FYB1: variants seen among roughly 807,000 people sequenced by gnomAD.
FYB1 encodes FYN binding protein 1.
Under a neutral mutation model 94.1 loss-of-function variants are expected in FYB1, and 41 were observed. The observed-to-expected ratio is 0.44, with a 90% CI of 0.34 to 0.57. The LOEUF is 0.57. FYB1 is among the 20% of genes least tolerant of loss of function. The pLI is 0.02. For missense variants in FYB1, 1,050 were observed against 976.8 expected, an observed-to-expected ratio of 1.07 and a Z score of -1.00; for synonymous variants, 367 against 353.2, an observed-to-expected ratio of 1.04 and a Z score of -0.44.
At chr5:39,139,400 A>C (rs929623927) in intron 4 of FYB1, 148 bp from the exon 5 acceptor site, 1 of 652,970 alleles carries the variant, frequency 1.5e-6, no homozygotes. Context: ...TAGAAAATCA[A>C]ATACGTACTT....
intron 13 of FYB1, 143 bp downstream of exon 13, chr5:39,124,109 CA>C (rs1740393298): frequency 1.6e-6 from 1 of 615,336 alleles, no homozygotes; most frequent in African/African-American, 2.0e-5. Flanking sequence ...TGTGACCACC[CA>C]AGGTAAAGTT....
chr5:39,165,322 C>T (rs1463345491), intron 2 of FYB1, among the ~76,000 whole-genome samples: 1 of 152,018 alleles, frequency 6.6e-6, no homozygotes, highest in Non-Finnish European at 1.5e-5. Context: ...ATAGAGAGCC[C>T]AGAAAGAAAG....
intron 18 of FYB1, among the ~76,000 whole-genome samples, chr5:39,107,878 G>A (rs2150249042): frequency 6.6e-6 from 1 of 152,094 alleles, no homozygotes. Context: ...GATGCTTAGA[G>A]AATATTGGTA....
intron 1 of FYB1, among the ~76,000 whole-genome samples, chr5:39,228,201 T>G (rs1750566611): frequency 6.6e-6 from 1 of 152,124 alleles, no homozygotes; most frequent in Non-Finnish European, 1.5e-5. Flanking sequence ...ATAAGTAACC[T>G]CAAATGAAAC....
intron 16 of FYB1, among the ~76,000 whole-genome samples, chr5:39,112,668 G>A (rs1389775442): frequency 1.3e-5 from 2 of 151,988 alleles, no homozygotes; most frequent in Non-Finnish European, 2.9e-5. Context: ...AACGAAAAGA[G>A]AGCTAAAACA....
Position 39,202,946 on chromosome 5 carries a change from G to A in FYB1, c.15C>T (p.Asn5=), listed in dbSNP as rs1748505282. The change falls in exon 2 of 19, where the codon AAC becomes AAT. Residue 5 remains asparagine, a synonymous_variant. Transcript: ENST00000512982. MAKY[N]TGGNPTEDVS... Reference sequence around the variant, plus strand: ...CATCCTCTGTCGGGTTGCCCCCCGTGTTATATTTCGCCATGAGGGACTTTA... The same window carrying A: ...CATCCTCTGTCGGGTTGCCCCCCGTATTATATTTCGCCATGAGGGACTTTA... 2.5e-6 allele frequency: 4 copies of A among 1,613,744 alleles called. No homozygotes were observed. The African/African-American group carries it at 5.3e-5, about 22-fold the overall frequency.
chr5:39,240,257 G>A (rs190043914), intron 1 of FYB1, among the ~76,000 whole-genome samples: 131 of 152,268 alleles, frequency 8.6e-4, no homozygotes, highest in Non-Finnish European at 1.6e-3. Flanking sequence ...CTGGGCATAG[G>A]CCCTGGCAAA....
At chr5:39,256,428 T>C (rs1751942636) in intron 1 of FYB1, among the ~76,000 whole-genome samples, 1 of 152,138 alleles carries the variant, frequency 6.6e-6, no homozygotes, top group Admixed American at 6.5e-5. Flanking sequence ...GTCTAGAATA[T>C]TACGTACGGG....
In FYB1 at chr5:39,236,583, G is replaced by T. The variant is rs571611845; in HGVS notation, c.-27-33596C>A. ...GGGGGTACAGATTTTACAGTCAAAG[G>T]TTCTCATCATAGTTTAAAAGATGAA... On this transcript the variant is annotated intron_variant, in intron 1 of 1. Transcript: ENST00000510188. Among the ~76,000 whole-genome samples, 5 of 152,162 alleles carry T rather than the reference G, an allele frequency of 3.3e-5. No homozygotes were observed. The South Asian group carries it at 8.3e-4, about 25-fold the overall frequency.
intron 1 of FYB1, among the ~76,000 whole-genome samples, chr5:39,258,790 GAT>G (rs1341641155): frequency 1.3e-5 from 2 of 152,122 alleles, no homozygotes; most frequent in Non-Finnish European, 2.9e-5. Context: ...AAAATGTAAA[GAT>G]AGCAACACTT....
chr5:39,246,430 C>A (rs1751481196), intron 1 of FYB1, among the ~76,000 whole-genome samples: 1 of 152,146 alleles, frequency 6.6e-6, no homozygotes, highest in Admixed American at 6.5e-5. Flanking sequence ...CAATTCTGCT[C>A]CTGTCATAAG....
chr5:39,151,354 A>G (rs1409004905), intron 3 of FYB1, among the ~76,000 whole-genome samples: 1 of 151,890 alleles, frequency 6.6e-6, no homozygotes, highest in Non-Finnish European at 1.5e-5. Flanking sequence ...CAGTGGCACA[A>G]TTATGGCTCA....
chr5:39,244,641 G>T (rs895226920), intron 1 of FYB1, among the ~76,000 whole-genome samples: 1 of 152,174 alleles, frequency 6.6e-6, no homozygotes, highest in African/African-American at 2.4e-5. Flanking sequence ...GTATCAGTAT[G>T]ATTCTGGCTT....
chr5:39,240,368 T>A (rs1454944957), intron 1 of FYB1, among the ~76,000 whole-genome samples: 1 of 152,004 alleles, frequency 6.6e-6, no homozygotes, highest in Admixed American at 6.6e-5. Context: ...AAAGAAAATC[T>A]CAACAGAGTA....
intron 1 of FYB1, among the ~76,000 whole-genome samples, chr5:39,269,046 T>A (rs983992601): frequency 6.6e-6 from 1 of 152,050 alleles, no homozygotes; most frequent in Non-Finnish European, 1.5e-5. Context: ...CTGTTTTCTT[T>A]TCTTTTCTTT....
chr5:39,118,814 G>A, intron 16 of FYB1, 60 bp downstream of exon 16: 1 of 1,098,210 alleles, frequency 9.1e-7, no homozygotes, highest in Admixed American at 3.0e-5. Flanking sequence ...AAACTTGTTT[G>A]GTTGTTAAAT....
rs1461606363 is a variant in FYB1 at position 39,210,731 on chromosome 5, C to A, written c.-27-7744G>T. ...AAGGAAGTTAAATACGACTTTCTAG[C>A]CAGGCATGATAGTGCATTCCTGTGG... is the stretch of plus-strand genomic sequence containing the variant. On this transcript the variant is annotated intron_variant, in intron 1 of 18. Coordinates refer to ENST00000512982, the MANE Select transcript of FYB1 (RefSeq NM_001465.6). Among the ~76,000 whole-genome samples the A allele has an allele frequency of 2.0e-5, 3 of 152,178 alleles. No individual in the cohort carries two copies. The East Asian group carries it at 5.8e-4, about 29-fold the overall frequency.
intron 1 of FYB1, among the ~76,000 whole-genome samples, chr5:39,255,434 T>TA: frequency 6.6e-6 from 1 of 152,080 alleles, no homozygotes. Context: ...TCACCTGTTT[T>TA]TTTTTTTTTG....
At chr5:39,146,155 T>A (rs1742635542) in intron 3 of FYB1, among the ~76,000 whole-genome samples, 1 of 152,082 alleles carries the variant, frequency 6.6e-6, no homozygotes. Flanking sequence ...CCTCAGGTGA[T>A]TCACCTGCCT....
Sources: gnomAD v4.1 joint callset for allele counts (sites outside exome capture counted in the v4.1 genomes callset) on GRCh38, gnomAD v4.1.1 for gene constraint, MANE v1.5 for transcripts, NCBI Gene and HGNC (gene_info 2026-07-23, HGNC 2026-07-21) for gene names.